The following NBPF12 variants were observed in gnomAD, a reference collection of about 807,000 sequenced individuals.
NBPF12 encodes the protein NBPF family member NBPF12.
NBPF12 carries 115 observed loss-of-function variants against 146.4 expected under a neutral mutation model. The observed-to-expected ratio is 0.79, with a 90% CI of 0.68 to 0.92. The LOEUF (loss-of-function observed/expected upper bound fraction) is 0.92, where lower values mean the gene tolerates loss of function less well. Ranked by LOEUF, NBPF12 falls within the 40% of genes least tolerant of loss-of-function variation. The pLI, the probability that NBPF12 is intolerant of heterozygous loss-of-function variation, is 0.00. For synonymous variants in NBPF12, 385 were observed against 508.9 expected (o/e 0.76, Z 3.28); for missense variants, 1,205 against 1,326.8 (o/e 0.91, Z 1.43).
chr1:146,981,478 C>T (rs1315631135), intron 19 of NBPF12, among the ~76,000 whole-genome samples: 2 of 151,204 alleles, frequency 1.3e-5, no homozygotes, highest in African/African-American at 4.9e-5. Context: ...TCTCTGGCTG[C>T]CCTTAGCATT....
In NBPF12 at chr1:146,954,923, A is replaced by G. The variant is rs1247233355; in HGVS notation, c.-184+3434A>G. On this transcript the variant is annotated intron_variant, in intron 2 of 33. Coordinates refer to ENST00000617844, the Ensembl canonical transcript of NBPF12. ...AACGTGTGTGTGTGTGTGTGTGTGTATATATATATATTCACCGTTTTGAAG... is the reference window on the plus strand; with the variant it reads ...AACGTGTGTGTGTGTGTGTGTGTGTGTATATATATATTCACCGTTTTGAAG... Among the ~76,000 whole-genome samples the G allele has an allele frequency of 3.7e-3, 245 of 66,822 alleles. 7 individuals are homozygous for G. The highest frequency in any genetic ancestry group is 8.9e-3 in the South Asian group (17 of 1,902). The allele number at this position is 66,822 out of a possible 152,430, so 43.8% of individuals were successfully genotyped here.
chr1:146,978,260 A>AAT (rs1297795537), intron 18 of NBPF12, among the ~76,000 whole-genome samples: 5 of 83,922 alleles, frequency 6.0e-5, no homozygotes, highest in Non-Finnish European at 8.9e-5. Flanking sequence ...AGCGTCGTAG[A>AAT]TTTTTTTTTT....
chr1:146,947,579 T>C (rs1249712557), upstream of NBPF12, among the ~76,000 whole-genome samples: 2 of 122,994 alleles, frequency 1.6e-5, no homozygotes, highest in African/African-American at 6.2e-5. Context: ...ATTTATCGAA[T>C]TGTGCAGCCA....
At chr1:146,964,386 C>G (rs1656057140) in exon 7 of NBPF12, 1 of 1,603,268 alleles carries the variant, frequency 6.2e-7, no homozygotes, top group Admixed American at 1.7e-5. Flanking sequence ...TGAAGATGTT[C>G]AAGTTGAGGA....
In NBPF12 at chr1:146,971,090, T is replaced by A. The variant is rs1656581337; in HGVS notation, c.1380-93T>A. Reference sequence around the variant, plus strand: ...CATTTTGCTTTCTGGGACCACTCTCTTAATGCCGCTTGTCAAAACCAGCTA... The same window carrying A: ...CATTTTGCTTTCTGGGACCACTCTCATAATGCCGCTTGTCAAAACCAGCTA... On this transcript the variant is annotated intron_variant, in intron 12 of 33. Coordinates refer to ENST00000617844, the Ensembl canonical transcript of NBPF12. 31 of 1,596,156 alleles carry A rather than the reference T, an allele frequency of 1.9e-5. No homozygotes were observed. In the South Asian group the frequency reaches 3.1e-4, roughly 16 times the overall value.
chr1:146,941,442 C>T (rs1432455284), intron 1 of NBPF12, among the ~76,000 whole-genome samples: 1 of 150,126 alleles, frequency 6.7e-6, no homozygotes, highest in East Asian at 2.0e-4. Flanking sequence ...ATGGTTACTG[C>T]TTATTGTGTC....
chr1:146,961,150 A>C (rs1264037551), intron 4 of NBPF12, among the ~76,000 whole-genome samples: 2 of 140,464 alleles, frequency 1.4e-5, no homozygotes, highest in African/African-American at 5.3e-5. Context: ...GTCAAAAAAC[A>C]AACAAACAAA....
chr1:146,953,636 A>G (rs1655421197), intron 2 of NBPF12, among the ~76,000 whole-genome samples: 1 of 140,304 alleles, frequency 7.1e-6, no homozygotes, highest in Non-Finnish European at 1.5e-5. Flanking sequence ...GATTTATAAA[A>G]ACAAACCCCA....
chr1:146,984,614 T>C (rs1389843991), intron 21 of NBPF12, among the ~76,000 whole-genome samples, 199 bp from the exon 25 acceptor site: 2 of 144,122 alleles, frequency 1.4e-5, no homozygotes, highest in Non-Finnish European at 3.0e-5. Flanking sequence ...TGTGTGTGTG[T>C]GTGTGTGTGT....
At chr1:146,944,926 GCCTC>G (rs1308578721), upstream of NBPF12, among the ~76,000 whole-genome samples, 156 of 23,026 alleles carry the variant, frequency 6.8e-3, no homozygotes, top group African/African-American at 0.011. Flanking sequence ...CTCCCTCCCT[GCCTC>G]CCTCCCTCCC....
exon 6 of NBPF12, chr1:146,963,227 C>T: frequency 6.2e-7 from 1 of 1,611,542 alleles, no homozygotes; most frequent in Non-Finnish European, 8.5e-7. Flanking sequence ...ATGAGCCGGA[C>T]AAGTCCCAGG....
rs1294505447 is a variant in NBPF12, at chr1:146,967,694, C to T, written c.989-754C>T. Among the ~76,000 whole-genome samples, 38 of 149,826 alleles carry T rather than the reference C, an allele frequency of 2.5e-4. 1 individual carries two copies. Among genetic ancestry groups the T allele is most frequent in the Non-Finnish European group, 4.7e-4 (32 of 67,876 alleles). ...TGTCTCCTGGGCTCCATCCAAGGTG[C>T]TTGTCTTGTCTGTCCCTCAGTTTCC... On this transcript the variant is annotated intron_variant, in intron 9 of 33. Coordinates refer to ENST00000617844, the Ensembl canonical transcript of NBPF12.
At chr1:146,981,002 C>T (rs1657335283) in intron 19 of NBPF12, among the ~76,000 whole-genome samples, 2 of 136,738 alleles carry the variant, frequency 1.5e-5, no homozygotes, top group African/African-American at 5.6e-5. Flanking sequence ...AAGCTGGAAA[C>T]CATCATTCTC....
intron 8 of NBPF12, among the ~76,000 whole-genome samples, chr1:146,965,791 CAAAAAAAAAAAAAAA>C (rs1162462110): frequency 1.1e-3 from 33 of 30,060 alleles, no homozygotes; most frequent in African/African-American, 2.5e-3. Flanking sequence ...GACTGCATCT[CAAAAAAAAAAAAAAA>C]AAAAAAAAAA....
chr1:146,982,502 T>C (rs1657458003), intron 19 of NBPF12, among the ~76,000 whole-genome samples: 1 of 151,744 alleles, frequency 6.6e-6, no homozygotes, highest in East Asian at 1.9e-4. Context: ...GTAAATATAT[T>C]ATATCAAAAT....
Position 146,954,990 on chromosome 1 carries a change from A to ATATG in NBPF12, c.-184+3504_-184+3505insGTAT, listed in dbSNP as rs1278510838. ...AGGGAATATATATATATATATATAT[A>ATATG]TATATATATATATATATATATATAC... On this transcript the variant is annotated intron_variant, in intron 2 of 33. Transcript: ENST00000617844. Among the ~76,000 whole-genome samples, 2 of 66,610 alleles carry ATATG rather than the reference A, an allele frequency of 3.0e-5. 1 individual carries two copies. The highest frequency in any genetic ancestry group is 5.5e-5 in the Non-Finnish European group (2 of 36,566). 43.7% of individuals were successfully genotyped at this position (66,610 alleles called of 152,430 possible).
intron 11 of NBPF12, among the ~76,000 whole-genome samples, chr1:146,969,952 T>A: frequency 6.6e-6 from 1 of 150,718 alleles, no homozygotes; most frequent in Non-Finnish European, 1.5e-5. Flanking sequence ...GCAATGTTCT[T>A]AGTAAGTGTC....
At chr1:146,994,675 T>C (rs1658432260) in exon 34 of NBPF12, 5 of 1,553,830 alleles carry the variant, frequency 3.2e-6, no homozygotes, top group African/African-American at 2.8e-5. Flanking sequence ...AGCCCAGACA[T>C]AGGATGGGTC....
At position 146,939,800 on chromosome 1, in the gene NBPF12, T is replaced by A. The variant is rs1326116368; in HGVS notation, c.-822+818T>A. Among the ~76,000 whole-genome samples the A allele has an allele frequency of 6.5e-3, 988 of 151,838 alleles. 14 individuals are homozygous for A. Among genetic ancestry groups the A allele is most frequent in the African/African-American group, 0.023 (930 of 41,304 alleles). On this transcript the variant is annotated intron_variant, in intron 1 of 35. Transcript: ENST00000617931. ...AGATTGAGACCATCCTGGCTAACAC[T>A]GTGAAACCCCATCTCTACTGAAAAT...
Sources: allele counts gnomAD v4.1 joint callset (sites outside exome capture counted in the v4.1 genomes callset), GRCh38; gene constraint gnomAD v4.1.1; transcripts MANE v1.5; gene names NCBI Gene and HGNC (gene_info 2026-07-23, HGNC 2026-07-21).